NFIC: variants seen among roughly 807,000 people sequenced by gnomAD.
NFIC encodes the protein nuclear factor I C, also known as nuclear factor 1 C-type.
Under a neutral mutation model 54.4 loss-of-function variants are expected in NFIC, and 12 were observed. The ratio of observed to expected loss-of-function variants is 0.22; its 90% CI spans 0.14 to 0.36. NFIC has a LOEUF of 0.36. NFIC is among the 10% of genes least tolerant of loss of function. The pLI, the probability that NFIC is intolerant of heterozygous loss-of-function variation, is 1.00. For synonymous variants in NFIC, 322 were observed against 319.2 expected (o/e 1.01, Z -0.09); for missense variants, 575 against 718.2 (o/e 0.80, Z 2.28).
intron 10 of NFIC, 41 bp from the exon 11 acceptor site, chr19:3,462,710 CT>C: frequency 6.2e-7 from 1 of 1,610,286 alleles, no homozygotes; most frequent in Non-Finnish European, 8.5e-7. Context: ...ACTTCTCTCC[CT>C]TTTTCTCTCT....
At chr19:3,436,636 G>A (rs2082208218) in intron 6 of NFIC, among the ~76,000 whole-genome samples, 2 of 151,384 alleles carry the variant, frequency 1.3e-5, no homozygotes, top group South Asian at 2.1e-4. Flanking sequence ...CACCACACCC[G>A]GCTAATCTTT....
At position 3,377,333 on chromosome 19, in the gene NFIC, CAAAAAAAAAA is replaced by C. The variant is rs71164684; in HGVS notation, c.31-4364_31-4355del. Among the ~76,000 whole-genome samples the C allele has an allele frequency of 5.0e-3, 291 of 57,870 alleles. 1 individual carries two copies. Among genetic ancestry groups the C allele is most frequent in the African/African-American group, 0.02 (282 of 13,766 alleles). 38.0% of individuals were successfully genotyped at this position (57,870 alleles called of 152,430 possible). Reference sequence around the variant, plus strand: ...TGGGTGACAGAGCGAGACTCTGTCTCAAAAAAAAAAAAAAAAAAAAAAAATCCAATAGCAA... The same window carrying C: ...TGGGTGACAGAGCGAGACTCTGTCTCAAAAAAAAAAAAAATCCAATAGCAA... On this transcript the variant is annotated intron_variant, in intron 1 of 10. Transcript: ENST00000443272.
At chr19:3,455,690 C>T (rs2082542751) in intron 9 of NFIC, among the ~76,000 whole-genome samples, 1 of 151,830 alleles carries the variant, frequency 6.6e-6, no homozygotes, top group Non-Finnish European at 1.5e-5. Context: ...TGCTTAGGAT[C>T]CACTCAGGGC....
At chr19:3,431,403 C>G (rs2145622900) in intron 3 of NFIC, among the ~76,000 whole-genome samples, 1 of 114,072 alleles carries the variant, frequency 8.8e-6, no homozygotes. Context: ...GGGTCTTGCT[C>G]TGTCCCCGAG....
In NFIC at chr19:3,467,528, C is replaced by T. The variant is rs1467061149; in HGVS notation, c.*4759C>T. On this transcript the variant is annotated 3_prime_UTR_variant, in exon 11 of 11. Transcript: ENST00000443272. ...CCGCTTAGGGGCCAGACCTGGGTCC[C>T]CCTGCAGGTCCCCAGGCAGCAGACA... The T allele has an allele frequency of 4.0e-5, 6 of 151,280 alleles. No homozygotes were observed. Among genetic ancestry groups the T allele is most frequent in the East Asian group, 2.0e-4 (1 of 5,070 alleles). 9.4% of individuals were successfully genotyped at this position (151,280 alleles called of 1,614,324 possible). A position where few individuals can be genotyped will look rare whatever the true frequency, so the allele number is the denominator to read the frequency against.
At chr19:3,421,594 C>T (rs1033221877) in intron 2 of NFIC, among the ~76,000 whole-genome samples, 8 of 152,186 alleles carry the variant, frequency 5.3e-5, no homozygotes, top group Admixed American at 3.3e-4. Flanking sequence ...TGTTTCCTGA[C>T]GAGGAAACTG....
Position 3,375,358 on chromosome 19 carries a change from C to T in NFIC, c.31-6354C>T, listed in dbSNP as rs548129522. 6.6e-6 allele frequency among the ~76,000 whole-genome samples: 1 copy of T among 152,290 alleles called. No homozygotes were observed. The highest frequency in any genetic ancestry group is 2.1e-4 in the South Asian group (1 of 4,832). ...CTCTATGGGTCCTCTCTGCCGCGTCCCACTGTGCCCCCCACCACCCCCACT... is the reference window on the plus strand; with the variant it reads ...CTCTATGGGTCCTCTCTGCCGCGTCTCACTGTGCCCCCCACCACCCCCACT... On this transcript the variant is annotated intron_variant, in intron 1 of 10. Coordinates refer to ENST00000443272, the MANE Select transcript of NFIC (RefSeq NM_001245002.2). This position sits in a 1 kb window ranked among gnomAD's most constrained non-coding sequence, Gnocchi z 4.6.
intron 2 of NFIC, among the ~76,000 whole-genome samples, chr19:3,407,505 G>A (rs114275476): frequency 0.054 from 8,207 of 151,770 alleles, 743 homozygotes; most frequent in African/African-American, 0.19. Context: ...TGCAATCTTG[G>A]TTCACCGTGC....
intron 1 of NFIC, among the ~76,000 whole-genome samples, chr19:3,380,382 G>A (rs533420432): frequency 1.5e-3 from 211 of 140,306 alleles, no homozygotes; most frequent in African/African-American, 5.3e-3. Context: ...CTGGAGTGCA[G>A]TGGCACAATC....
rs537405882 is a variant in NFIC, at chr19:3,453,900, G to T, written c.1407G>T (p.Thr469=). Residue 469 remains threonine (T), a synonymous_variant, in exon 9 of 11, where the codon ACG becomes ACT. Transcript: ENST00000443272. This position sits in a 1 kb window ranked among gnomAD's most constrained non-coding sequence, Gnocchi z 6.7. The stretch of plus-strand genomic sequence containing the variant: ...CCACCACCTCCGAGGGAGGAGCCAC[G>T]TCGCCGACCTCGCCTTGTAAGCACG... The part of the protein sequence containing the change: ...KPATTSEGGA[T]SPTSPSYSPP... 3.2e-5 allele frequency: 50 copies of T among 1,546,856 alleles called. No homozygotes were observed. The African/African-American group carries it at 5.3e-4, about 16-fold the overall frequency.
intron 2 of NFIC, among the ~76,000 whole-genome samples, chr19:3,391,388 C>T (rs1334330894): frequency 6.6e-6 from 1 of 152,166 alleles, no homozygotes; most frequent in East Asian, 1.9e-4. Flanking sequence ...TGGTGGCTTA[C>T]GCCTGTAATC....
In NFIC at chr19:3,452,838, T is replaced by C. The variant is rs1048720201; in HGVS notation, c.1269+172T>C. Among the ~76,000 whole-genome samples the C allele has an allele frequency of 6.6e-6, 1 of 152,198 alleles. No individual in the cohort carries two copies. Among genetic ancestry groups the C allele is most frequent in the East Asian group, 1.9e-4 (1 of 5,192 alleles). Reference sequence around the variant, plus strand: ...CAGCTGGATTGGGTCAGAATTGAGATGCTTTCGGATGTCAGGGTTTCGGGC... The same window carrying C: ...CAGCTGGATTGGGTCAGAATTGAGACGCTTTCGGATGTCAGGGTTTCGGGC... On this transcript the variant is annotated intron_variant, in intron 8 of 10. Coordinates refer to ENST00000443272, the MANE Select transcript of NFIC (RefSeq NM_001245002.2). The surrounding 1 kb of genome is among the most constrained non-coding windows in gnomAD (Gnocchi z 5.3).
upstream of NFIC, among the ~76,000 whole-genome samples, chr19:3,363,722 G>A (rs1002923099): frequency 1.3e-4 from 20 of 152,238 alleles, no homozygotes; most frequent in Non-Finnish European, 2.2e-4. Context: ...GTCTCAGCCA[G>A]GGTTGATTCT....
At chr19:3,435,291 G>C in intron 6 of NFIC, 84 bp downstream of exon 6, 6 of 1,435,546 alleles carry the variant, frequency 4.2e-6, no homozygotes, top group Non-Finnish European at 5.5e-6. Flanking sequence ...CCACTGCGCG[G>C]GCGCCGCGGG....
chr19:3,436,922 C>T (rs1004928337), intron 6 of NFIC, among the ~76,000 whole-genome samples: 24 of 152,132 alleles, frequency 1.6e-4, no homozygotes, highest in Non-Finnish European at 2.8e-4. Context: ...TTCTCTAAGC[C>T]TCAGTTTCTT....
intron 9 of NFIC, chr19:3,454,345 C>A: frequency 2.3e-6 from 2 of 860,728 alleles, no homozygotes; most frequent in Non-Finnish European, 2.8e-6. Context: ...GGACGTTTTA[C>A]ATAAACATTT....
At chr19:3,439,118 G>A (rs1314003389) in intron 6 of NFIC, among the ~76,000 whole-genome samples, 2 of 150,782 alleles carry the variant, frequency 1.3e-5, no homozygotes, top group African/African-American at 4.9e-5. Context: ...CTGGCCGGGT[G>A]CAGTGGCTTA....
chr19:3,452,455 A>C lies in NFIC; in HGVS notation c.1085-27A>C. On this transcript the variant is annotated intron_variant, in intron 7 of 10. Coordinates refer to ENST00000443272, the MANE Select transcript of NFIC (RefSeq NM_001245002.2). The surrounding 1 kb of genome is among the most constrained non-coding windows in gnomAD (Gnocchi z 5.3). ...AGCAGACCGGCTGGAGCCCCCAAGT[A>C]ACCCCCGCTTCCCACTGTCTCCGCA... 1.2e-6 allele frequency: 2 copies of C among 1,607,348 alleles called. No homozygotes were observed. The highest frequency in any genetic ancestry group is 1.7e-6 in the Non-Finnish European group (2 of 1,179,152).
At chr19:3,423,489 C>G (rs1413489954) in intron 2 of NFIC, among the ~76,000 whole-genome samples, 1 of 152,060 alleles carries the variant, frequency 6.6e-6, no homozygotes, top group East Asian at 1.9e-4. Flanking sequence ...TGGTTGCTGC[C>G]ACCTTCGTCT....
Sources: allele counts gnomAD v4.1 joint callset (sites outside exome capture counted in the v4.1 genomes callset), GRCh38; gene constraint gnomAD v4.1.1; non-coding constraint Gnocchi (gnomAD v3.1); transcripts MANE v1.5; gene names NCBI Gene and HGNC (gene_info 2026-07-23, HGNC 2026-07-21).